ASCC3: variants seen among roughly 807,000 people sequenced by gnomAD.
ASCC3 encodes the protein ASC-1 complex subunit P200.
A neutral mutation model predicts 256.3 loss-of-function variants in ASCC3; 158 were observed. That is an observed-to-expected ratio of 0.62 (90% CI 0.54 to 0.70). The LOEUF is 0.70. ASCC3 is among the 30% of genes least tolerant of loss of function. ASCC3 has a pLI of 0.00. For synonymous variants in ASCC3, 948 were observed against 883.4 expected (o/e 1.07, Z -1.30); for missense variants, 2,259 against 2,626.0 (o/e 0.86, Z 3.05).
chr6:100,828,092 T>TAA (rs10684305), intron 4 of ASCC3, among the ~76,000 whole-genome samples: 37,515 of 125,140 alleles, frequency 0.3, 6,848 homozygotes, highest in African/African-American at 0.52. Context: ...CAGTATTTTC[T>TAA]AAAAAAAAAA....
chr6:100,837,594 C>G (rs1247205952), intron 4 of ASCC3, among the ~76,000 whole-genome samples: 1 of 152,006 alleles, frequency 6.6e-6, no homozygotes, highest in Non-Finnish European at 1.5e-5. Context: ...ATGGATGAAC[C>G]TGGAGGACAT....
chr6:100,684,612 T>A (rs1042344196), intron 13 of ASCC3, among the ~76,000 whole-genome samples: 1 of 139,926 alleles, frequency 7.1e-6, no homozygotes, highest in African/African-American at 2.7e-5. Flanking sequence ...ACCACTGTTA[T>A]ACATTGACAA....
At chr6:100,514,243 A>C (rs1016385744) in intron 39 of ASCC3, among the ~76,000 whole-genome samples, 1 of 152,126 alleles carries the variant, frequency 6.6e-6, no homozygotes, top group Non-Finnish European at 1.5e-5. Context: ...AACCTGTACA[A>C]AGGATGGTCT....
At chr6:100,751,698 G>A (rs1487633748) in intron 10 of ASCC3, among the ~76,000 whole-genome samples, 1 of 152,072 alleles carries the variant, frequency 6.6e-6, no homozygotes, top group African/African-American at 2.4e-5. Context: ...TCCATTTACT[G>A]CTAACGCCAA....
intron 13 of ASCC3, among the ~76,000 whole-genome samples, chr6:100,682,222 T>TCA (rs1431161313): frequency 5.8e-5 from 8 of 138,294 alleles, no homozygotes; most frequent in African/African-American, 7.3e-5. Context: ...TGTAATTTAT[T>TCA]TATTCATTCA....
intron 4 of ASCC3, chr6:100,847,925 T>C (rs1772460045): frequency 7.4e-6 from 3 of 404,398 alleles, no homozygotes; most frequent in Non-Finnish European, 1.3e-5. Context: ...CACCCAACTA[T>C]TGTCTGCTTA....
At chr6:100,582,448 C>T (rs922081527) in intron 36 of ASCC3, among the ~76,000 whole-genome samples, 3 of 151,458 alleles carry the variant, frequency 2.0e-5, no homozygotes, top group Non-Finnish European at 3.0e-5. Context: ...TATCCTGAGA[C>T]TTTGCTGAAG....
chr6:100,850,280 C>G (rs1369591803), intron 3 of ASCC3, among the ~76,000 whole-genome samples: 1 of 152,000 alleles, frequency 6.6e-6, no homozygotes, highest in African/African-American at 2.4e-5. Context: ...AATTTCTTCA[C>G]CAAAAACCAC....
intron 37 of ASCC3, among the ~76,000 whole-genome samples, chr6:100,535,212 G>A (rs1208980245): frequency 1.3e-5 from 2 of 152,122 alleles, no homozygotes; most frequent in Non-Finnish European, 2.9e-5. Flanking sequence ...TGTCCCATGA[G>A]AGAGGTAGTA....
chr6:100,616,805 CT>C (rs1468410552), intron 30 of ASCC3, among the ~76,000 whole-genome samples: 1 of 152,168 alleles, frequency 6.6e-6, no homozygotes, highest in Non-Finnish European at 1.5e-5. Flanking sequence ...CTACCTGGAT[CT>C]TATTTAACAG....
intron 25 of ASCC3, 49 bp from the exon 26 acceptor site, chr6:100,631,262 C>A (rs1267287420): frequency 1.4e-6 from 2 of 1,427,952 alleles, no homozygotes; most frequent in Non-Finnish European, 2.0e-6. Flanking sequence ...ATAGTGATAG[C>A]ATTTTGAAAT....
intron 36 of ASCC3, among the ~76,000 whole-genome samples, chr6:100,575,711 C>T (rs1235442088): frequency 6.6e-6 from 1 of 151,912 alleles, no homozygotes; most frequent in Non-Finnish European, 1.5e-5. Flanking sequence ...ACCGAGTGTA[C>T]GTTATAAAAA....
intron 29 of ASCC3, among the ~76,000 whole-genome samples, chr6:100,625,811 C>A (rs915796788): frequency 1.2e-4 from 19 of 152,138 alleles, no homozygotes; most frequent in Non-Finnish European, 2.6e-4. Context: ...CAAAAAGTTT[C>A]TTTTATTTTT....
At chr6:100,576,532 C>A (rs1770871361) in intron 36 of ASCC3, among the ~76,000 whole-genome samples, 2 of 151,802 alleles carry the variant, frequency 1.3e-5, no homozygotes, top group African/African-American at 4.8e-5. Flanking sequence ...AAGGAGCTAC[C>A]TTCTATAGAA....
chr6:100,582,323 T>C (rs1188898095), intron 36 of ASCC3, among the ~76,000 whole-genome samples: 1 of 152,102 alleles, frequency 6.6e-6, no homozygotes, highest in Non-Finnish European at 1.5e-5. Context: ...GTTGGATTCC[T>C]AGGTATTTTA....
intron 10 of ASCC3, among the ~76,000 whole-genome samples, chr6:100,742,572 C>T (rs1197967591): frequency 6.6e-6 from 1 of 152,198 alleles, no homozygotes; most frequent in Non-Finnish European, 1.5e-5. Context: ...GCTGGAGTGG[C>T]TGAAGCCCCC....
At chr6:100,690,181 T>C (rs1294833025) in intron 13 of ASCC3, among the ~76,000 whole-genome samples, 1 of 152,186 alleles carries the variant, frequency 6.6e-6, no homozygotes, top group Non-Finnish European at 1.5e-5. Flanking sequence ...GTATACTTTA[T>C]ATCATATCTT....
At chr6:100,519,084 C>G (rs1213513628) in intron 37 of ASCC3, among the ~76,000 whole-genome samples, 1 of 152,014 alleles carries the variant, frequency 6.6e-6, no homozygotes, top group Non-Finnish European at 1.5e-5. Context: ...TTAAGGCATA[C>G]TATGTTGTAA....
rs149375885 is a variant in ASCC3, at chr6:100,828,571, G to A, written c.801+19577C>T. 1.6e-3 allele frequency among the ~76,000 whole-genome samples: 247 copies of A among 152,186 alleles called. 9 individuals are homozygous for A. The East Asian group carries it at 0.045, about 27-fold the overall frequency. On this transcript the variant is annotated intron_variant, in intron 4 of 41. Coordinates refer to ENST00000369162, the MANE Select transcript of ASCC3 (RefSeq NM_006828.4). ...CTCCTTCTGATGTTCCGATGTGTTCGGAGTTTCTTCCTTCTGGTGGGTTTG... is the reference window on the plus strand; with the variant it reads ...CTCCTTCTGATGTTCCGATGTGTTCAGAGTTTCTTCCTTCTGGTGGGTTTG...
Sources: gnomAD v4.1 joint callset for allele counts (sites outside exome capture counted in the v4.1 genomes callset) on GRCh38, gnomAD v4.1.1 for gene constraint, MANE v1.5 for transcripts, NCBI Gene and HGNC (gene_info 2026-07-23, HGNC 2026-07-21) for gene names.